The following INPP4B variants were observed in gnomAD, a reference collection of about 807,000 sequenced individuals.
The protein encoded by INPP4B is inositol polyphosphate 4-phosphatase type II.
A neutral mutation model predicts 122.5 loss-of-function variants in INPP4B; 55 were observed. The observed-to-expected ratio is 0.45, with a 90% CI of 0.36 to 0.56. INPP4B has a LOEUF of 0.56. INPP4B is among the 20% of genes least tolerant of loss of function. INPP4B has a pLI of 0.00. For missense variants in INPP4B, 1,000 were observed against 1,097.7 expected (o/e 0.91, Z 1.26); for synonymous variants, 403 against 388.7 (o/e 1.04, Z -0.43).
At position 142,281,253 on chromosome 4, in the gene INPP4B, C is replaced by G. The variant is rs182122428; in HGVS notation, c.504-10479G>C. ...GGTTATAGATAGATGACTGGGAATA[C>G]CTGACTTCCTGTGGAAATTTTCAGA... On this transcript the variant is annotated intron_variant, in intron 9 of 25. Coordinates refer to ENST00000262992, the MANE Select transcript of INPP4B (RefSeq NM_001101669.3). 7.1e-4 allele frequency among the ~76,000 whole-genome samples: 107 copies of G among 151,652 alleles called. 3 individuals carry two copies. In the East Asian group the frequency reaches 0.02, roughly 29 times the overall value.
chr4:142,261,402 T>A (rs1739922741), intron 10 of INPP4B, among the ~76,000 whole-genome samples: 1 of 151,958 alleles, frequency 6.6e-6, no homozygotes, highest in Non-Finnish European at 1.5e-5. Context: ...AATATGGGGG[T>A]GTGAGTGGGG....
intron 7 of INPP4B, among the ~76,000 whole-genome samples, chr4:142,342,580 C>T (rs1386785621): frequency 6.6e-6 from 1 of 152,146 alleles, no homozygotes; most frequent in Non-Finnish European, 1.5e-5. Context: ...GCTTCAGCCA[C>T]ACCAGAAACA....
intron 1 of INPP4B, among the ~76,000 whole-genome samples, chr4:142,769,072 G>A (rs967802001): frequency 2.0e-5 from 3 of 152,168 alleles, no homozygotes; most frequent in African/African-American, 7.2e-5. Context: ...TATAAGTTTT[G>A]ATGATTGGAT....
chr4:142,174,450 G>T (rs371673349), intron 15 of INPP4B, among the ~76,000 whole-genome samples: 19 of 152,208 alleles, frequency 1.2e-4, no homozygotes, highest in African/African-American at 4.1e-4. Context: ...GCTGAGAAAT[G>T]AGGAGAAAAT....
chr4:142,614,039 C>A (rs1229005450), intron 2 of INPP4B, among the ~76,000 whole-genome samples: 1 of 152,062 alleles, frequency 6.6e-6, no homozygotes, highest in Non-Finnish European at 1.5e-5. Flanking sequence ...AAGATAAGTT[C>A]TTAATAGTAA....
intron 2 of INPP4B, among the ~76,000 whole-genome samples, chr4:142,555,562 G>C (rs1384167302): frequency 6.6e-6 from 1 of 152,072 alleles, no homozygotes; most frequent in African/African-American, 2.4e-5. Context: ...TTTGAAACTG[G>C]TTAAAAAAAT....
chr4:142,584,473 C>A (rs569429790), intron 2 of INPP4B, among the ~76,000 whole-genome samples: 1 of 152,220 alleles, frequency 6.6e-6, no homozygotes, highest in East Asian at 1.9e-4. Flanking sequence ...CTTTCTCAGA[C>A]TTTTCCAGTT....
At chr4:142,827,656 C>G (rs1781611570) in intron 1 of INPP4B, among the ~76,000 whole-genome samples, 1 of 152,140 alleles carries the variant, frequency 6.6e-6, no homozygotes, top group Non-Finnish European at 1.5e-5. Context: ...GAAGTTCAAA[C>G]TTCAGGAAAC....
At chr4:142,113,944 C>T (rs1457401881) in intron 21 of INPP4B, among the ~76,000 whole-genome samples, 4 of 151,972 alleles carry the variant, frequency 2.6e-5, no homozygotes, top group African/African-American at 9.7e-5. Context: ...ATTCCTTGTG[C>T]CTGTTTATAG....
At chr4:142,607,722 A>C (rs1741576506) in intron 2 of INPP4B, among the ~76,000 whole-genome samples, 1 of 152,172 alleles carries the variant, frequency 6.6e-6, no homozygotes, top group Admixed American at 6.6e-5. Flanking sequence ...TTACAGGGCA[A>C]TTATAGAGAA....
intron 1 of INPP4B, among the ~76,000 whole-genome samples, chr4:142,823,197 G>T (rs1781010384): frequency 6.6e-6 from 1 of 152,170 alleles, no homozygotes; most frequent in Non-Finnish European, 1.5e-5. Flanking sequence ...AAGGCAGAGA[G>T]CCAGAAGTAT....
At chr4:142,157,832 G>C (rs1447672285) in intron 17 of INPP4B, among the ~76,000 whole-genome samples, 3 of 151,738 alleles carry the variant, frequency 2.0e-5, no homozygotes, top group South Asian at 2.1e-4. Flanking sequence ...TCATTTCTTC[G>C]GTGCCTATTT....
At chr4:142,355,540 T>G (rs185162582) in intron 7 of INPP4B, among the ~76,000 whole-genome samples, 1 of 151,858 alleles carries the variant, frequency 6.6e-6, no homozygotes, top group Non-Finnish European at 1.5e-5. Flanking sequence ...CAATCAACAA[T>G]GAAGAAAAAA....
intron 2 of INPP4B, among the ~76,000 whole-genome samples, chr4:142,523,091 C>CA (rs1826317265): frequency 6.6e-6 from 1 of 151,980 alleles, no homozygotes; most frequent in African/African-American, 2.4e-5. Context: ...GTTTGGAGGA[C>CA]AAGATATAAC....
chr4:142,362,924 C>G (rs67710427), intron 7 of INPP4B, among the ~76,000 whole-genome samples: 17,734 of 151,942 alleles, frequency 0.12, 1,095 homozygotes, highest in East Asian at 0.18. Flanking sequence ...AATGGAAGCC[C>G]AAATCTCAGC....
intron 14 of INPP4B, among the ~76,000 whole-genome samples, chr4:142,200,224 G>A (rs779588791): frequency 2.6e-5 from 4 of 151,572 alleles, no homozygotes; most frequent in Admixed American, 2.0e-4. Context: ...TTTTGGGAGC[G>A]CCTTAAGGTT....
chr4:142,081,892 G>T, intron 25 of INPP4B, 139 bp downstream of exon 25: 2 of 493,376 alleles, frequency 4.1e-6, no homozygotes, highest in Non-Finnish European at 3.5e-6. Flanking sequence ...TATCTCTGAT[G>T]TCATAAGCTA....
At chr4:142,715,273 A>G (rs1763617262) in intron 2 of INPP4B, among the ~76,000 whole-genome samples, 1 of 152,252 alleles carries the variant, frequency 6.6e-6, no homozygotes, top group African/African-American at 2.4e-5. Context: ...ATAATGTTGC[A>G]ATGTCCAGTA....
intron 2 of INPP4B, among the ~76,000 whole-genome samples, chr4:142,545,058 G>T (rs1028417329): frequency 1.3e-5 from 2 of 152,090 alleles, no homozygotes; most frequent in African/African-American, 4.8e-5. Context: ...TTGGAGGGAT[G>T]CTGATTACAT....
Sources: gnomAD v4.1 joint callset for allele counts (sites outside exome capture counted in the v4.1 genomes callset) on GRCh38, gnomAD v4.1.1 for gene constraint, MANE v1.5 for transcripts, NCBI Gene and HGNC (gene_info 2026-07-23, HGNC 2026-07-21) for gene names.